The following IFFO2 variants were observed in gnomAD, a reference collection of about 807,000 sequenced individuals.
IFFO2 encodes intermediate filament family orphan 2.
Under a neutral mutation model 53.5 loss-of-function variants are expected in IFFO2, and 19 were observed. That is an observed-to-expected ratio of 0.36 (90% CI 0.25 to 0.52). The LOEUF is 0.52. Among genes scored for constraint, IFFO2 ranks in the 20% least tolerant of loss-of-function variants. The probability of loss-of-function intolerance (pLI) is 0.94; values close to 1 mark genes in which losing one functional copy is unlikely to be tolerated. For missense variants in IFFO2, 570 were observed against 727.4 expected (o/e 0.78, Z 2.49); for synonymous variants, 303 against 313.6 (o/e 0.97, Z 0.36).
chr1:18,949,130 C>T (rs1273931596), intron 1 of IFFO2, among the ~76,000 whole-genome samples: 3 of 152,216 alleles, frequency 2.0e-5, no homozygotes, highest in Non-Finnish European at 4.4e-5. Flanking sequence ...CAGCCGAATC[C>T]CTGGACGTGG....
At position 18,955,775 on chromosome 1, in the gene IFFO2, C is replaced by A; in HGVS notation, c.558G>T (p.Val186=). Residue 186 remains valine, a synonymous_variant, in exon 1 of 9, where the codon GTG becomes GTT. Transcript: ENST00000455833. The part of the protein sequence containing the change: ...ETVQGPGVSW[V]HPDGVGVQID... Reference sequence around the variant, plus strand: ...TCTGCACGCCCACGCCGTCGGGGTGCACCCACGACACGCCGGGGCCCTGCA... The same window carrying A: ...TCTGCACGCCCACGCCGTCGGGGTGAACCCACGACACGCCGGGGCCCTGCA... The A allele has an allele frequency of 5.8e-6, 9 of 1,554,242 alleles. No homozygotes were observed. The highest frequency in any genetic ancestry group is 7.8e-6 in the Non-Finnish European group (9 of 1,156,096).
chr1:18,940,686 G>T (rs1936509054), intron 1 of IFFO2, among the ~76,000 whole-genome samples: 1 of 152,166 alleles, frequency 6.6e-6, no homozygotes, highest in Non-Finnish European at 1.5e-5. Context: ...GAAGGTCCTA[G>T]GTGTCCCCTG....
rs1189980004 is a variant in IFFO2, at chr1:18,908,675, C to A, written c.1449-9G>T. 12 of 1,546,532 alleles carry A rather than the reference C, an allele frequency of 7.8e-6. No individual in the cohort carries two copies. Among genetic ancestry groups the A allele is most frequent in the Non-Finnish European group, 1.1e-5 (12 of 1,142,528 alleles). ...TGGGGGACGGTGAATTCCTGAGAAGCACAAGAGAGTGGGGAAATTCAGAGA... is the reference window on the plus strand; with the variant it reads ...TGGGGGACGGTGAATTCCTGAGAAGAACAAGAGAGTGGGGAAATTCAGAGA... On this transcript the variant is annotated splice_polypyrimidine_tract_variant and intron_variant, in intron 8 of 8. Transcript: ENST00000455833.
chr1:18,939,676 T>C (rs186058714), intron 1 of IFFO2, among the ~76,000 whole-genome samples: 4 of 152,272 alleles, frequency 2.6e-5, no homozygotes, highest in South Asian at 4.1e-4. Context: ...AGGGAGATTG[T>C]AGGTGGGAAG....
Position 18,919,769 on chromosome 1 carries a change from G to A in IFFO2, c.731C>T (p.Ala244Val). ...CTCCTGGATGGCATCAGCCTCCTGT[G>A]CTGCCTGCGGGGACGGAGATGGGGA... is the stretch of plus-strand genomic sequence containing the variant. Reference protein sequence around the residue: ...QTMVDTLQEAAQEADAIQEEM... With the variant: ...QTMVDTLQEAVQEADAIQEEM... The change falls in exon 3 of 9, where the codon GCA (alanine) becomes GTA (valine). Residue 244 changes from alanine to valine, a missense_variant. Physicochemically the swap from Ala to Val is moderately conservative, Grantham distance 64. Transcript: ENST00000455833. The surrounding 1 kb of genome is among the most constrained non-coding windows in gnomAD (Gnocchi z 4.9). The A allele has an allele frequency of 6.4e-7, 1 of 1,550,560 alleles. No individual in the cohort carries two copies. The highest frequency in any genetic ancestry group is 8.7e-7 in the Non-Finnish European group (1 of 1,146,112).
At chr1:18,930,807 T>A (rs1279730802) in intron 1 of IFFO2, among the ~76,000 whole-genome samples, 1 of 152,198 alleles carries the variant, frequency 6.6e-6, no homozygotes, top group Non-Finnish European at 1.5e-5. Flanking sequence ...GAGCCACCTG[T>A]CCAATTCCCT....
Position 18,917,175 on chromosome 1 carries a change from G to A in IFFO2, c.964-133C>T, listed in dbSNP as rs1180559597. On this transcript the variant is annotated intron_variant, in intron 4 of 8. Coordinates refer to ENST00000455833, the MANE Select transcript of IFFO2 (RefSeq NM_001136265.2). The surrounding 1 kb of genome is among the most constrained non-coding windows in gnomAD (Gnocchi z 5.9). ...GGGGCCGGCCAGTGCCAGGAAAGGTGCAGGTCCTCTAAGAAGCAGGCGGCG... is the reference window on the plus strand; with the variant it reads ...GGGGCCGGCCAGTGCCAGGAAAGGTACAGGTCCTCTAAGAAGCAGGCGGCG... 1 of 992,996 alleles carries A rather than the reference G, an allele frequency of 1.0e-6. No homozygotes were observed. Among genetic ancestry groups the A allele is most frequent in the Non-Finnish European group, 1.5e-6 (1 of 686,802 alleles). 61.5% of individuals were successfully genotyped at this position (992,996 alleles called of 1,614,324 possible).
Position 18,919,664 on chromosome 1 carries a change from C to G in IFFO2, c.822+14G>C, listed in dbSNP as rs942783618. 1.3e-6 allele frequency: 2 copies of G among 1,539,340 alleles called. No individual in the cohort carries two copies. The highest frequency in any genetic ancestry group is 2.7e-5 in the African/African-American group (2 of 72,742). On this transcript the variant is annotated intron_variant, in intron 3 of 8. Transcript: ENST00000455833. This position sits in a 1 kb window ranked among gnomAD's most constrained non-coding sequence, Gnocchi z 4.9. ...GGGAGGTCATGACACCCAGGGGCGG[C>G]GGGCGGCACTTACGTCACTCATAAG...
At chr1:18,909,610 AGGGGG>A (rs577355998) in intron 8 of IFFO2, among the ~76,000 whole-genome samples, 1 of 152,000 alleles carries the variant, frequency 6.6e-6, no homozygotes, top group Non-Finnish European at 1.5e-5. Context: ...TGGTTTTATA[AGGGGG>A]GGTTTCCCCT....
rs1242670863 is a variant in IFFO2 at position 18,956,544 on chromosome 1, C to T, written c.-212G>A. ...GCCGAGGCGAGAGAGGGCACTCGGC[C>T]GCTCCTCGGGACGCGGTGGAGGCCG... is the stretch of plus-strand genomic sequence containing the variant. On this transcript the variant is annotated 5_prime_UTR_variant, in exon 1 of 9. Coordinates refer to ENST00000455833, the MANE Select transcript of IFFO2 (RefSeq NM_001136265.2). This position sits in a 1 kb window ranked among gnomAD's most constrained non-coding sequence, Gnocchi z 6.4. 1 of 156,836 alleles carries T rather than the reference C, an allele frequency of 6.4e-6. No individual in the cohort carries two copies. The highest frequency in any genetic ancestry group is 1.9e-4 in the East Asian group (1 of 5,350). 9.7% of individuals were successfully genotyped at this position (156,836 alleles called of 1,614,324 possible). A position where few individuals can be genotyped will look rare whatever the true frequency, so the allele number is the denominator to read the frequency against.
Position 18,917,977 on chromosome 1 carries a change from C to T in IFFO2, c.963+385G>A, listed in dbSNP as rs1055866454. On this transcript the variant is annotated intron_variant, in intron 4 of 8. Coordinates refer to ENST00000455833, the MANE Select transcript of IFFO2 (RefSeq NM_001136265.2). The surrounding 1 kb of genome is among the most constrained non-coding windows in gnomAD (Gnocchi z 5.9). ...TCTCCCCATAACCTGGCCAGGGTTC[C>T]CCAACCGTGGGGATGATGCCCAGTT... 1.3e-5 allele frequency among the ~76,000 whole-genome samples: 2 copies of T among 152,224 alleles called. No individual in the cohort carries two copies. Among genetic ancestry groups the T allele is most frequent in the African/African-American group, 2.4e-5 (1 of 41,454 alleles).
intron 2 of IFFO2, among the ~76,000 whole-genome samples, chr1:18,920,045 G>A (rs28677055): frequency 0.13 from 19,602 of 152,274 alleles, 1,644 homozygotes; most frequent in Middle Eastern, 0.21. Flanking sequence ...ATCCTATTAC[G>A]TTAAAAATAT....
At chr1:18,926,432 G>A (rs1366214550) in intron 1 of IFFO2, among the ~76,000 whole-genome samples, 2 of 152,208 alleles carry the variant, frequency 1.3e-5, no homozygotes, top group Non-Finnish European at 2.9e-5. Context: ...AGGGAGGGGA[G>A]GCAGGGATGT....
chr1:18,949,453 A>T (rs1936631228), intron 1 of IFFO2, among the ~76,000 whole-genome samples: 1 of 152,262 alleles, frequency 6.6e-6, no homozygotes, highest in African/African-American at 2.4e-5. Context: ...AATCCTGAGC[A>T]CAGGGACATG....
chr1:18,915,328 T>C (rs548062984), intron 5 of IFFO2, among the ~76,000 whole-genome samples: 2 of 152,264 alleles, frequency 1.3e-5, no homozygotes, highest in East Asian at 1.9e-4. Flanking sequence ...AGAAGGAGCA[T>C]GCCCTCTCTG....
In IFFO2 at chr1:18,911,373, C is replaced by T. The variant is rs780400380; in HGVS notation, c.1317+11G>A. The T allele has an allele frequency of 6.2e-6, 9 of 1,455,340 alleles. No individual in the cohort carries two copies. The South Asian group carries it at 9.6e-5, about 15-fold the overall frequency. The allele number at this position is 1,455,340 out of a possible 1,614,324, so 90.2% of individuals were successfully genotyped here. A position where few individuals can be genotyped will look rare whatever the true frequency, so the allele number is the denominator to read the frequency against. On this transcript the variant is annotated intron_variant, in intron 7 of 8. Transcript: ENST00000455833. ...AGCCTCACGAGTGGGCTCCACGTCC[C>T]GAGCCCTCACCTCGATCTGACCTAT...
intron 1 of IFFO2, among the ~76,000 whole-genome samples, chr1:18,933,307 A>G (rs1179373877): frequency 6.6e-6 from 1 of 152,208 alleles, no homozygotes; most frequent in East Asian, 1.9e-4. Flanking sequence ...TCCTCCGTCC[A>G]TGAGTGAAGG....
At chr1:18,954,685 C>T (rs1014408777) in intron 1 of IFFO2, among the ~76,000 whole-genome samples, 1 of 152,204 alleles carries the variant, frequency 6.6e-6, no homozygotes. Flanking sequence ...GACCCCTCTC[C>T]TCTTATCGGA....
rs143349077 is a variant in IFFO2, at chr1:18,942,995, C to T, written c.665+12673G>A. 3.2e-3 allele frequency among the ~76,000 whole-genome samples: 491 copies of T among 152,170 alleles called. 3 individuals are homozygous for T. The highest frequency in any genetic ancestry group is 6.8e-3 in the Middle Eastern group (2 of 294). On this transcript the variant is annotated intron_variant, in intron 1 of 8. Transcript: ENST00000455833. Reference sequence around the variant, plus strand: ...CTGGGATTACAGGCTCGTGCCACCACACCCGGCAAATTTAAGTCCTGATGT... The same window carrying T: ...CTGGGATTACAGGCTCGTGCCACCATACCCGGCAAATTTAAGTCCTGATGT...
Sources: allele counts gnomAD v4.1 joint callset (sites outside exome capture counted in the v4.1 genomes callset), GRCh38; gene constraint gnomAD v4.1.1; non-coding constraint Gnocchi (gnomAD v3.1); transcripts MANE v1.5; gene names NCBI Gene and HGNC (gene_info 2026-07-23, HGNC 2026-07-21).